TRIM33: variants seen among roughly 807,000 people sequenced by gnomAD.
TRIM33 encodes E3 ubiquitin-protein ligase TRIM33.
In TRIM33, 20 loss-of-function variants were observed where a neutral mutation model predicts 125.4. The ratio of observed to expected loss-of-function variants is 0.16; its 90% CI spans 0.11 to 0.23. TRIM33 has a LOEUF of 0.23. Among genes scored for constraint, TRIM33 ranks in the 10% least tolerant of loss-of-function variants. TRIM33 has a pLI of 1.00. For synonymous variants in TRIM33, 564 were observed against 513.9 expected (o/e 1.10, Z -1.32); for missense variants, 920 against 1,411.4 (o/e 0.65, Z 5.58).
chr1:114,481,332 G>A (rs1344818956), intron 1 of TRIM33, among the ~76,000 whole-genome samples: 2 of 152,142 alleles, frequency 1.3e-5, no homozygotes, highest in African/African-American at 2.4e-5. Flanking sequence ...GGTGGCTCAC[G>A]CCTGTAATCC....
chr1:114,511,103 GCCCCGCGCCGCCCGCCGCCCGCGTCGC>G lies in TRIM33; in HGVS notation c.-54_-28del. Reference sequence around the variant, plus strand: ...TTTTCCTCTTTGAACCCGCCGGACCGCCCCGCGCCGCCCGCCGCCCGCGTCGCCGCCGCCGCCGCCCCCAGCCCCAGC... The same window carrying G: ...TTTTCCTCTTTGAACCCGCCGGACCGCGCCGCCGCCGCCCCCAGCCCCAGC... On this transcript the variant is annotated 5_prime_UTR_variant, in exon 1 of 20. Transcript: ENST00000358465. The G allele has an allele frequency of 8.7e-7, 1 of 1,146,438 alleles. No individual in the cohort carries two copies. The highest frequency in any genetic ancestry group is 1.1e-6 in the Non-Finnish European group (1 of 936,588). 71.0% of individuals were successfully genotyped at this position (1,146,438 alleles called of 1,614,324 possible).
chr1:114,406,201 T>C (rs921932681), intron 14 of TRIM33, among the ~76,000 whole-genome samples: 2 of 152,208 alleles, frequency 1.3e-5, no homozygotes, highest in African/African-American at 2.4e-5. Flanking sequence ...TTCACCAACC[T>C]TGGCACCCAT....
chr1:114,480,028 T>C (rs1468815118), intron 1 of TRIM33, among the ~76,000 whole-genome samples: 2 of 152,066 alleles, frequency 1.3e-5, no homozygotes, highest in Admixed American at 6.5e-5. Flanking sequence ...GGCGGTTTTG[T>C]GGAATAGAAA....
chr1:114,444,223 A>T (rs188963734), intron 4 of TRIM33, among the ~76,000 whole-genome samples: 1 of 152,258 alleles, frequency 6.6e-6, no homozygotes, highest in East Asian at 1.9e-4. Flanking sequence ...GAGAATGGGG[A>T]ACAGAGGGTA....
chr1:114,413,274 A>C (rs1385024511), intron 11 of TRIM33, among the ~76,000 whole-genome samples: 1 of 152,138 alleles, frequency 6.6e-6, no homozygotes, highest in Non-Finnish European at 1.5e-5. Context: ...AAAGTCCAAA[A>C]GTAGCTGGGC....
At position 114,463,409 on chromosome 1, in the gene TRIM33, T is replaced by C; in HGVS notation, c.790+3A>G. ...TGTAATGATTACAATGCATCTATCTTACCTGAGACATCTTCTTTCTTCCTG... is the reference window on the plus strand; with the variant it reads ...TGTAATGATTACAATGCATCTATCTCACCTGAGACATCTTCTTTCTTCCTG... On this transcript the variant is annotated splice_donor_region_variant and intron_variant, in intron 3 of 19. Coordinates refer to ENST00000358465, the MANE Select transcript of TRIM33 (RefSeq NM_015906.4). 1.2e-6 allele frequency: 2 copies of C among 1,612,212 alleles called. No individual in the cohort carries two copies. Among genetic ancestry groups the C allele is most frequent in the Non-Finnish European group, 1.7e-6 (2 of 1,178,794 alleles).
chr1:114,464,757 C>T lies in TRIM33; in HGVS notation c.527-369G>A, dbSNP rs145639758. Among the ~76,000 whole-genome samples, 899 of 152,176 alleles carry T rather than the reference C, an allele frequency of 5.9e-3. 6 individuals are homozygous for T. Among genetic ancestry groups the T allele is most frequent in the Non-Finnish European group, 0.01 (696 of 67,998 alleles). ...GATGGTTTGTCCAGCGGGTCCTAAA[C>T]GTGATCAAGTGACCTTATCAGGGGG... On this transcript the variant is annotated intron_variant, in intron 1 of 19. Transcript: ENST00000358465.
At chr1:114,401,604 CAT>C in intron 16 of TRIM33, 141 bp from the exon 17 acceptor site, 1 of 537,794 alleles carries the variant, frequency 1.9e-6, no homozygotes, top group Non-Finnish European at 3.2e-6. Context: ...CTCAACTAAA[CAT>C]AAACACCCAA....
intron 11 of TRIM33, among the ~76,000 whole-genome samples, chr1:114,416,859 T>TA (rs1002904456): frequency 1.3e-5 from 2 of 152,190 alleles, no homozygotes; most frequent in African/African-American, 4.8e-5. Flanking sequence ...GCAGAACAGT[T>TA]ACACAATTAA....
chr1:114,423,301 A>G (rs1647326067), intron 10 of TRIM33, among the ~76,000 whole-genome samples: 2 of 152,168 alleles, frequency 1.3e-5, no homozygotes, highest in African/African-American at 4.8e-5. Flanking sequence ...AGGCTAATCT[A>G]TATCTATCAA....
intron 5 of TRIM33, among the ~76,000 whole-genome samples, chr1:114,432,290 AT>A (rs1189535998): frequency 6.6e-6 from 1 of 151,996 alleles, no homozygotes; most frequent in Admixed American, 6.5e-5. Context: ...GGACTGCCAT[AT>A]GAATCAACTC....
intron 1 of TRIM33, among the ~76,000 whole-genome samples, chr1:114,482,118 CAT>C (rs1228889857): frequency 1.3e-5 from 2 of 152,268 alleles, no homozygotes; most frequent in African/African-American, 4.8e-5. Context: ...ATCAGCCACA[CAT>C]GATTACTGAA....
intron 18 of TRIM33, among the ~76,000 whole-genome samples, chr1:114,398,898 C>CAAA (rs372853872): frequency 0.07 from 4,212 of 60,348 alleles, 83 homozygotes; most frequent in African/African-American, 0.098. Context: ...AACTTACCCT[C>CAAA]AAAAAAAAAA....
At chr1:114,504,614 C>T (rs916265685) in intron 1 of TRIM33, among the ~76,000 whole-genome samples, 22 of 152,168 alleles carry the variant, frequency 1.4e-4, no homozygotes, top group Admixed American at 6.5e-4. Flanking sequence ...ACTACCATCA[C>T]CCCCACCCCA....
intron 4 of TRIM33, among the ~76,000 whole-genome samples, chr1:114,459,706 C>G (rs953088913): frequency 6.9e-6 from 1 of 144,744 alleles, no homozygotes; most frequent in African/African-American, 2.7e-5. Flanking sequence ...GAGCTTGAGT[C>G]CAGCCTGAGC....
At position 114,411,773 on chromosome 1, in the gene TRIM33, T is replaced by C. The variant is rs3789618; in HGVS notation, c.2062-1457A>G. 2.0e-3 allele frequency among the ~76,000 whole-genome samples: 302 copies of C among 152,292 alleles called. 5 individuals carry two copies. In the East Asian group the frequency reaches 0.044, roughly 22 times the overall value. On this transcript the variant is annotated intron_variant, in intron 11 of 19. Transcript: ENST00000358465. ...TGATGTCATTATAACCTCCAACAGA[T>C]AGGTGCTAACTGAAGCATTCACCTG... is the stretch of plus-strand genomic sequence containing the variant.
chr1:114,424,235 A>C (rs991638815), intron 10 of TRIM33, among the ~76,000 whole-genome samples: 2 of 152,306 alleles, frequency 1.3e-5, no homozygotes, highest in Non-Finnish European at 2.9e-5. Flanking sequence ...GCCACATTAA[A>C]AGAGCAGAGC....
chr1:114,481,641 G>A (rs12076672), intron 1 of TRIM33, among the ~76,000 whole-genome samples: 11,951 of 111,748 alleles, frequency 0.11, 766 homozygotes, highest in African/African-American at 0.23. Context: ...ATATATATAT[G>A]TGTGTGTGTG....
chr1:114,481,620 G>GA (rs894190568), intron 1 of TRIM33, among the ~76,000 whole-genome samples: 2 of 145,080 alleles, frequency 1.4e-5, no homozygotes, highest in East Asian at 4.1e-4. Flanking sequence ...CAAAAAAAAA[G>GA]AAAAAAAACT....
Sources: allele counts gnomAD v4.1 joint callset (sites outside exome capture counted in the v4.1 genomes callset), GRCh38; gene constraint gnomAD v4.1.1; transcripts MANE v1.5; gene names NCBI Gene and HGNC (gene_info 2026-07-23, HGNC 2026-07-21).